The following CRYZL1 variants were observed in gnomAD, a reference collection of about 807,000 sequenced individuals.
CRYZL1 encodes crystallin zeta like 1.
CRYZL1 carries 34 observed loss-of-function variants against 50.6 expected under a neutral mutation model. The ratio of observed to expected loss-of-function variants is 0.67; its 90% CI spans 0.51 to 0.89. The LOEUF (loss-of-function observed/expected upper bound fraction) is 0.89. Ranked by LOEUF, CRYZL1 falls within the 40% of genes least tolerant of loss-of-function variation. The probability of loss-of-function intolerance (pLI) is 0.00; values close to 1 mark genes in which losing one functional copy is unlikely to be tolerated. For missense variants in CRYZL1, 354 were observed against 402.3 expected (o/e 0.88, Z 1.03); for synonymous variants, 125 against 134.3 (o/e 0.93, Z 0.48).
At chr21:33,638,782 G>C (rs1222982093) in intron 1 of CRYZL1, among the ~76,000 whole-genome samples, 1 of 152,066 alleles carries the variant, frequency 6.6e-6, no homozygotes, top group East Asian at 1.9e-4. Flanking sequence ...AAGAACTTTA[G>C]GCATTATAAC....
intron 1 of CRYZL1, among the ~76,000 whole-genome samples, chr21:33,635,023 G>A (rs559932615): frequency 4.6e-5 from 7 of 151,870 alleles, no homozygotes; most frequent in South Asian, 2.1e-4. Flanking sequence ...AATTGTATGG[G>A]AACAAAAATA....
At chr21:33,596,156 C>T (rs1199984615) in intron 10 of CRYZL1, 18 of 534,254 alleles carry the variant, frequency 3.4e-5, no homozygotes, top group African/African-American at 5.7e-5. Flanking sequence ...GTGAGAATTA[C>T]GGTATTTGCA....
intron 6 of CRYZL1, among the ~76,000 whole-genome samples, chr21:33,612,699 T>C (rs1384444535): frequency 6.6e-6 from 1 of 152,240 alleles, no homozygotes; most frequent in East Asian, 1.9e-4. Context: ...CTGTTTAATA[T>C]GGTTTCATGA....
intron 11 of CRYZL1, among the ~76,000 whole-genome samples, chr21:33,592,200 T>A (rs950423544): frequency 6.6e-6 from 1 of 150,752 alleles, no homozygotes; most frequent in Non-Finnish European, 1.5e-5. Context: ...TAGAGTGCAG[T>A]GGCATGATCA....
rs1382180027 is a variant in CRYZL1, at chr21:33,622,074, T to C, written c.145-6A>G. On this transcript the variant is annotated splice_polypyrimidine_tract_variant and splice_region_variant and intron_variant, in intron 3 of 12. Transcript: ENST00000381554. ...ATCTTCATTTCTGCCAGAAGCTAAATCATGACAAAGGCAGTTAACATACTA... is the reference window on the plus strand; with the variant it reads ...ATCTTCATTTCTGCCAGAAGCTAAACCATGACAAAGGCAGTTAACATACTA... 4.3e-6 allele frequency: 7 copies of C among 1,611,090 alleles called. No individual in the cohort carries two copies. The highest frequency in any genetic ancestry group is 5.9e-6 in the Non-Finnish European group (7 of 1,177,790).
At chr21:33,594,156 C>CTT (rs755337244) in intron 11 of CRYZL1, among the ~76,000 whole-genome samples, 10 of 138,394 alleles carry the variant, frequency 7.2e-5, no homozygotes, top group East Asian at 2.1e-4. Context: ...TGGACATTTA[C>CTT]TTTTTTTTTT....
At chr21:33,604,212 A>G (rs2086787115) in intron 6 of CRYZL1, among the ~76,000 whole-genome samples, 1 of 151,818 alleles carries the variant, frequency 6.6e-6, no homozygotes. Flanking sequence ...AAAATTAGCC[A>G]GGCGTGGTGG....
chr21:33,628,951 C>T (rs1273007882), intron 2 of CRYZL1, among the ~76,000 whole-genome samples: 1 of 151,916 alleles, frequency 6.6e-6, no homozygotes, highest in Admixed American at 6.6e-5. Context: ...ACTACTCGGC[C>T]AGGCGCGGTG....
chr21:33,599,912 G>A (rs1428625529), intron 8 of CRYZL1, among the ~76,000 whole-genome samples: 1 of 151,924 alleles, frequency 6.6e-6, no homozygotes, highest in Admixed American at 6.6e-5. Flanking sequence ...TGGGATTATA[G>A]GGTGAGCCAC....
chr21:33,629,593 ACT>A (rs1338856574), intron 2 of CRYZL1, among the ~76,000 whole-genome samples: 1 of 152,128 alleles, frequency 6.6e-6, no homozygotes, highest in Non-Finnish European at 1.5e-5. Context: ...GTATCCTATA[ACT>A]TTACTGATTC....
chr21:33,614,000 G>C (rs1298468923), intron 5 of CRYZL1, among the ~76,000 whole-genome samples: 15 of 151,838 alleles, frequency 9.9e-5, no homozygotes, highest in Admixed American at 9.2e-4. Context: ...GAGAAACCCT[G>C]TCTCTACTAA....
At chr21:33,598,475 A>T (rs1309734295) in intron 9 of CRYZL1, among the ~76,000 whole-genome samples, 1 of 152,234 alleles carries the variant, frequency 6.6e-6, no homozygotes, top group African/African-American at 2.4e-5. Flanking sequence ...GTTCAGAGTA[A>T]GTGTTAAATA....
At chr21:33,608,430 G>A (rs2086836344) in intron 6 of CRYZL1, among the ~76,000 whole-genome samples, 1 of 152,170 alleles carries the variant, frequency 6.6e-6, no homozygotes, top group African/African-American at 2.4e-5. Context: ...ACTCCAGCCT[G>A]GGCAATAAGA....
At position 33,595,717 on chromosome 21, in the gene CRYZL1, G is replaced by A. The variant is rs140030857; in HGVS notation, c.904+14C>T. 1,058 of 1,611,154 alleles carry A rather than the reference G, an allele frequency of 6.6e-4. 7 individuals carry two copies. In the African/African-American group the frequency reaches 0.011, roughly 17 times the overall value. The stretch of plus-strand genomic sequence containing the variant: ...GTTCAAGCCAGAAACTCAATCAGTC[G>A]ATAAAAAGGATATAAAGATATTTTC... On this transcript the variant is annotated intron_variant, in intron 11 of 12. Transcript: ENST00000381554.
chr21:33,610,359 T>C (rs2086858990), intron 6 of CRYZL1, among the ~76,000 whole-genome samples: 1 of 151,586 alleles, frequency 6.6e-6, no homozygotes, highest in Non-Finnish European at 1.5e-5. Flanking sequence ...CGGGGTTTTG[T>C]CATGTTGGCC....
chr21:33,627,850 T>G (rs760515712), intron 2 of CRYZL1, among the ~76,000 whole-genome samples: 3 of 150,210 alleles, frequency 2.0e-5, no homozygotes, highest in Admixed American at 6.7e-5. Flanking sequence ...GTTCATACCA[T>G]TCTCCTGCCT....
intron 6 of CRYZL1, among the ~76,000 whole-genome samples, chr21:33,608,116 A>G (rs930076457): frequency 6.6e-6 from 1 of 152,204 alleles, no homozygotes; most frequent in Non-Finnish European, 1.5e-5. Context: ...ACAATACTCT[A>G]TTATTAACTA....
At chr21:33,617,585 A>T (rs1027708020) in intron 4 of CRYZL1, among the ~76,000 whole-genome samples, 1 of 152,092 alleles carries the variant, frequency 6.6e-6, no homozygotes, top group East Asian at 1.9e-4. Context: ...TCCCCAAGTG[A>T]GCAATTCCTG....
chr21:33,621,490 T>C (rs939030801), intron 4 of CRYZL1, among the ~76,000 whole-genome samples: 33 of 151,424 alleles, frequency 2.2e-4, no homozygotes, highest in Admixed American at 1.4e-3. Context: ...TACAGGCGCA[T>C]GCCACCACGC....
Sources: gnomAD v4.1 joint callset for allele counts (sites outside exome capture counted in the v4.1 genomes callset) on GRCh38, gnomAD v4.1.1 for gene constraint, MANE v1.5 for transcripts, NCBI Gene and HGNC (gene_info 2026-07-23, HGNC 2026-07-21) for gene names.